NEK1: variants seen among roughly 807,000 people sequenced by gnomAD.
NEK1 encodes the protein NIMA related kinase 1, also known as serine/threonine-protein kinase Nek1.
Under a neutral mutation model 182.1 loss-of-function variants are expected in NEK1, and 137 were observed. The ratio of observed to expected loss-of-function variants is 0.75; its 90% CI spans 0.65 to 0.87. The LOEUF is 0.87. NEK1 is among the 40% of genes least tolerant of loss of function. The pLI is 0.00. For missense variants in NEK1, 1,391 were observed against 1,494.4 expected, an observed-to-expected ratio of 0.93 and a Z score of 1.14; for synonymous variants, 513 against 492.2, an observed-to-expected ratio of 1.04 and a Z score of -0.56.
chr4:169,587,550 T>C lies in NEK1; in HGVS notation c.606+9A>G. ...TAACTTTGAAAGTATTTCAGAAACT[T>C]CTACTTACAGCATGTTTAAGTGTAC... On this transcript the variant is annotated intron_variant, in intron 9 of 35. Coordinates refer to ENST00000507142, the MANE Select transcript of NEK1 (RefSeq NM_001199397.3). 1 of 1,447,094 alleles carries C rather than the reference T, an allele frequency of 6.9e-7. No individual in the cohort carries two copies. The highest frequency in any genetic ancestry group is 9.3e-7 in the Non-Finnish European group (1 of 1,073,564). 89.6% of individuals were successfully genotyped at this position (1,447,094 alleles called of 1,614,324 possible). A position where few individuals can be genotyped will look rare whatever the true frequency, so the allele number is the denominator to read the frequency against.
chr4:169,422,794 C>A (rs75665830), intron 31 of NEK1, among the ~76,000 whole-genome samples: 1 of 151,954 alleles, frequency 6.6e-6, no homozygotes, highest in African/African-American at 2.4e-5. Flanking sequence ...GAAAATCAAA[C>A]AATCAAATGT....
At chr4:169,448,949 C>T (rs1201710921) in intron 27 of NEK1, among the ~76,000 whole-genome samples, 1 of 152,240 alleles carries the variant, frequency 6.6e-6, no homozygotes, top group African/African-American at 2.4e-5. Flanking sequence ...ACACTCCCCA[C>T]CCAAATACTG....
At chr4:169,513,521 T>C (rs144146270) in intron 19 of NEK1, among the ~76,000 whole-genome samples, 120 of 151,690 alleles carry the variant, frequency 7.9e-4, no homozygotes, top group African/African-American at 2.9e-3. Context: ...CAACTTGAAA[T>C]AGCAACAACT....
intron 19 of NEK1, among the ~76,000 whole-genome samples, chr4:169,511,755 G>C (rs938659970): frequency 1.3e-5 from 2 of 151,940 alleles, no homozygotes; most frequent in Non-Finnish European, 2.9e-5. Flanking sequence ...ATTATTACTG[G>C]AACACTTCAT....
chr4:169,427,742 C>T (rs566645507), intron 29 of NEK1, among the ~76,000 whole-genome samples: 116 of 151,942 alleles, frequency 7.6e-4, no homozygotes, highest in Non-Finnish European at 1.4e-3. Flanking sequence ...GTGATCCACC[C>T]GCCTCGGCCT....
At position 169,474,550 on chromosome 4, in the gene NEK1, T is replaced by A. The variant is rs572551912; in HGVS notation, c.2434+2574A>T. 1.2e-3 allele frequency among the ~76,000 whole-genome samples: 176 copies of A among 152,346 alleles called. 1 individual carries two copies. The highest frequency in any genetic ancestry group is 4.1e-3 in the African/African-American group (171 of 41,582). On this transcript the variant is annotated intron_variant, in intron 26 of 35. Coordinates refer to ENST00000507142, the MANE Select transcript of NEK1 (RefSeq NM_001199397.3). ...GATTCTATTTCTGTCTCTAGCACTC[T>A]AATGACACTGCTTTTACCAAGCTCA... is the stretch of plus-strand genomic sequence containing the variant.
intron 5 of NEK1, among the ~76,000 whole-genome samples, chr4:169,596,801 G>A (rs1769571689): frequency 6.6e-6 from 1 of 152,154 alleles, no homozygotes; most frequent in Non-Finnish European, 1.5e-5. Context: ...ATTTTAAATA[G>A]GCTAAAATAA....
chr4:169,432,880 T>C (rs768837223), intron 29 of NEK1, among the ~76,000 whole-genome samples: 1 of 152,102 alleles, frequency 6.6e-6, no homozygotes, highest in Non-Finnish European at 1.5e-5. Context: ...TTCAAGTGAT[T>C]CTCCTGCCTC....
At chr4:169,446,158 A>T (rs1389880303) in intron 27 of NEK1, among the ~76,000 whole-genome samples, 2 of 152,030 alleles carry the variant, frequency 1.3e-5, no homozygotes, top group Admixed American at 6.6e-5. Context: ...GGATGACTAC[A>T]GTTAATGAAA....
At chr4:169,582,811 G>A (rs1264017360) in intron 10 of NEK1, among the ~76,000 whole-genome samples, 2 of 152,148 alleles carry the variant, frequency 1.3e-5, no homozygotes, top group African/African-American at 4.8e-5. Context: ...GTTATACCAA[G>A]GACATTTCAA....
chr4:169,525,322 T>A (rs1756730398), intron 19 of NEK1, among the ~76,000 whole-genome samples: 1 of 151,786 alleles, frequency 6.6e-6, no homozygotes, highest in Non-Finnish European at 1.5e-5. Context: ...AGAGATGGGG[T>A]TTTATCATGT....
chr4:169,503,844 G>A (rs1480710638), intron 23 of NEK1, among the ~76,000 whole-genome samples: 2 of 152,000 alleles, frequency 1.3e-5, no homozygotes, highest in African/African-American at 4.8e-5. Flanking sequence ...CATAACCACA[G>A]GCAACCTAAG....
intron 19 of NEK1, among the ~76,000 whole-genome samples, chr4:169,534,040 G>A (rs1242940497): frequency 1.3e-5 from 2 of 152,198 alleles, no homozygotes; most frequent in African/African-American, 4.8e-5. Flanking sequence ...AACATCACAT[G>A]TCTCATTAGC....
chr4:169,602,461 G>C, intron 3 of NEK1, 53 bp downstream of exon 3: 1 of 926,664 alleles, frequency 1.1e-6, no homozygotes, highest in Non-Finnish European at 1.7e-6. Flanking sequence ...CTAACAATGA[G>C]CTCTATTGTA....
chr4:169,427,519 G>A (rs1246681810), intron 29 of NEK1, among the ~76,000 whole-genome samples: 1 of 150,806 alleles, frequency 6.6e-6, no homozygotes, highest in Non-Finnish European at 1.5e-5. Flanking sequence ...ATTTTTGAGA[G>A]AGTCTCACTC....
At chr4:169,549,733 T>G (rs1653247111) in intron 18 of NEK1, among the ~76,000 whole-genome samples, 1 of 149,988 alleles carries the variant, frequency 6.7e-6, no homozygotes, top group Non-Finnish European at 1.5e-5. Flanking sequence ...TTTTTTTGTT[T>G]GTTTAAGACG....
rs184769464 is a variant in NEK1 at position 169,505,040 on chromosome 4, T to A, written c.2007+1997A>T. On this transcript the variant is annotated intron_variant, in intron 23 of 35. Coordinates refer to ENST00000507142, the MANE Select transcript of NEK1 (RefSeq NM_001199397.3). ...ACAAAAATTAAAAGTAAAAAAAAAA[T>A]TTTTTTTAAGGCACAACTTACAGAA... Among the ~76,000 whole-genome samples the A allele has an allele frequency of 1.2e-3, 143 of 118,980 alleles. No individual in the cohort carries two copies. In the East Asian group the frequency reaches 0.023, roughly 19 times the overall value. The allele number at this position is 118,980 out of a possible 152,430, so 78.1% of individuals were successfully genotyped here. A position where few individuals can be genotyped will look rare whatever the true frequency, so the allele number is the denominator to read the frequency against.
chr4:169,456,707 G>T (rs184758910), intron 27 of NEK1, among the ~76,000 whole-genome samples: 2 of 152,074 alleles, frequency 1.3e-5, no homozygotes, highest in African/African-American at 4.8e-5. Context: ...CCCACTGCTG[G>T]GTATATATCC....
chr4:169,504,936 C>T (rs895022144), intron 23 of NEK1, among the ~76,000 whole-genome samples: 2 of 152,130 alleles, frequency 1.3e-5, no homozygotes, highest in Admixed American at 6.5e-5. Flanking sequence ...CCCATTTACC[C>T]TAACGTGATT....
Sources: allele counts gnomAD v4.1 joint callset (sites outside exome capture counted in the v4.1 genomes callset), GRCh38; gene constraint gnomAD v4.1.1; transcripts MANE v1.5; gene names NCBI Gene and HGNC (gene_info 2026-07-23, HGNC 2026-07-21).